LRRC73: variants seen among roughly 807,000 people sequenced by gnomAD.
LRRC73 encodes leucine-rich repeat-containing protein 73.
In LRRC73, 16 loss-of-function variants were observed where a neutral mutation model predicts 26.4. The ratio of observed to expected loss-of-function variants is 0.61; its 90% CI spans 0.41 to 0.92. LRRC73 has a LOEUF of 0.92. Ranked by LOEUF, LRRC73 falls within the 40% of genes least tolerant of loss-of-function variation. The pLI is 0.00. For synonymous variants in LRRC73, 210 were observed against 179.8 expected (o/e 1.17, Z -1.34); for missense variants, 344 against 416.3 (o/e 0.83, Z 1.51).
exon 1 of LRRC73, chr6:43,509,823 C>G: frequency 6.9e-7 from 1 of 1,454,018 alleles, no homozygotes; most frequent in Non-Finnish European, 9.0e-7. Context: ...GGGGCCGGAA[C>G]GGAGGTTGGT....
rs573749440 is a variant in LRRC73, at chr6:43,507,359, G to C, written c.881-51C>G. The C allele has an allele frequency of 5.0e-6, 8 of 1,610,188 alleles. No individual in the cohort carries two copies. The East Asian group carries it at 1.6e-4, about 31-fold the overall frequency. On this transcript the variant is annotated intron_variant, in intron 5 of 5. Transcript: ENST00000372441. ...GACCACCATTCCTTCCTCCAATGGG[G>C]ACCACAGATAGGTGAGAGCCTAGGT...
exon 1 of LRRC73, chr6:43,510,167 G>A: frequency 5.8e-6 from 1 of 172,098 alleles, no homozygotes; most frequent in Non-Finnish European, 1.2e-5. Context: ...GGCGGCGGCG[G>A]CGGCAGCGGC....
At chr6:43,509,854 G>T in exon 1 of LRRC73, 1 of 1,364,760 alleles carries the variant, frequency 7.3e-7, no homozygotes, top group Non-Finnish European at 9.4e-7. Context: ...GCGGGGCCGG[G>T]GATAGGGCCG....
At chr6:43,509,866 G>C in exon 1 of LRRC73, 1 of 1,297,468 alleles carries the variant, frequency 7.7e-7, no homozygotes, top group Non-Finnish European at 9.9e-7. Flanking sequence ...ATAGGGCCGG[G>C]GTCGGGGCCC....
At chr6:43,507,096 C>A (rs529010015) in exon 6 of LRRC73, 2 of 832,166 alleles carry the variant, frequency 2.4e-6, no homozygotes, top group South Asian at 3.3e-5. Context: ...TTCCTTCCCA[C>A]CACACTGCCA....
rs1159406923 is a variant in LRRC73, at chr6:43,507,825, C to A, written c.657+1G>T. 1.1e-5 allele frequency: 18 copies of A among 1,613,520 alleles called. No individual in the cohort carries two copies. Among genetic ancestry groups the A allele is most frequent in the Non-Finnish European group, 1.3e-5 (15 of 1,179,756 alleles). On this transcript the variant is annotated splice_donor_variant, in intron 4 of 5. Transcript: ENST00000372441. LOFTEE classifies it high-confidence loss of function. Reference sequence around the variant, plus strand: ...CGTGCCCAAACATGACGACTTCCCACCTGAGCTGACTGGTTGGTGAGCCCT... The same window carrying A: ...CGTGCCCAAACATGACGACTTCCCAACTGAGCTGACTGGTTGGTGAGCCCT...
exon 1 of LRRC73, chr6:43,509,829 TTGGTGGGGCCGC>T (rs1561850671): frequency 7.0e-7 from 1 of 1,429,450 alleles, no homozygotes; most frequent in Admixed American, 2.8e-5. Context: ...GGAACGGAGG[TTGGTGGGGCCGC>T]GGGCGGGGCC....
At chr6:43,507,332 C>G (rs745649476) in intron 5 of LRRC73, 24 bp from the exon 6 acceptor site, 74 of 1,613,508 alleles carry the variant, frequency 4.6e-5, no homozygotes, top group Non-Finnish European at 5.3e-5. Context: ...GAGAAGTGTT[C>G]AGACCACCAT....
At chr6:43,509,403 G>A in intron 1 of LRRC73, 111 bp downstream of exon 1, 5 of 1,319,232 alleles carry the variant, frequency 3.8e-6, no homozygotes, top group East Asian at 4.9e-5. Context: ...ATGTGCATAA[G>A]GCATGTGAAG....
At position 43,508,427 on chromosome 6, in the gene LRRC73, A is replaced by G. The variant is rs764432887; in HGVS notation, c.434-7T>C. 4.3e-6 allele frequency: 7 copies of G among 1,613,386 alleles called. No homozygotes were observed. The South Asian group carries it at 5.5e-5, about 13-fold the overall frequency. ...AGCGTTAGCTCCTTCAAGCCTGGGC[A>G]GCATCATAGCAAGAAACCAGAATAG... On this transcript the variant is annotated splice_region_variant and splice_polypyrimidine_tract_variant and intron_variant, in intron 2 of 5. Transcript: ENST00000372441.
At chr6:43,508,887 C>T in exon 2 of LRRC73, 1 of 1,611,152 alleles carries the variant, frequency 6.2e-7, no homozygotes, top group South Asian at 1.1e-5. Context: ...TCAGCAAGGC[C>T]AGCCCCGCAT....
intron 2 of LRRC73, 38 bp downstream of exon 2, chr6:43,508,722 G>A (rs1438280336): frequency 6.4e-7 from 1 of 1,560,634 alleles, no homozygotes; most frequent in African/African-American, 1.4e-5. Context: ...TTTCATCACT[G>A]CCACACTAGC....
At chr6:43,508,615 G>A in intron 2 of LRRC73, 145 bp downstream of exon 2, 1 of 1,385,060 alleles carries the variant, frequency 7.2e-7, no homozygotes, top group Non-Finnish European at 9.9e-7. Flanking sequence ...TCTCCATGCT[G>A]CCCCCCGTCC....
chr6:43,508,070 G>A, intron 3 of LRRC73, 144 bp from the exon 4 acceptor site: 1 of 973,878 alleles, frequency 1.0e-6, no homozygotes, highest in South Asian at 1.6e-5. Context: ...AGGGATCATT[G>A]TGATTGGTGA....
At chr6:43,508,884 G>A (rs1367265254) in exon 2 of LRRC73, 1 of 1,611,416 alleles carries the variant, frequency 6.2e-7, no homozygotes, top group Non-Finnish European at 8.5e-7. Context: ...GGTTCAGCAA[G>A]GCCAGCCCCG....
chr6:43,508,912 C>T, exon 2 of LRRC73: 1 of 1,603,762 alleles, frequency 6.2e-7, no homozygotes, highest in Non-Finnish European at 8.5e-7. Flanking sequence ...CAGGGGGCTC[C>T]CATGCAGGCT....
chr6:43,508,225 T>C lies in LRRC73; in HGVS notation c.556+73A>G. ...CTCTCCCAGTGTACGGGTTACCATG[T>C]CAACTGATGGTCCCAGGCTCTTGGA... On this transcript the variant is annotated intron_variant, in intron 3 of 5. Transcript: ENST00000372441. The C allele has an allele frequency of 2.0e-6, 3 of 1,530,292 alleles. No homozygotes were observed. In the South Asian group the frequency reaches 3.9e-5, roughly 20 times the overall value. 94.8% of individuals were successfully genotyped at this position (1,530,292 alleles called of 1,614,324 possible).
intron 3 of LRRC73, 85 bp from the exon 4 acceptor site, chr6:43,508,011 G>T (rs1438228721): frequency 1.7e-6 from 2 of 1,211,912 alleles, no homozygotes; most frequent in African/African-American, 1.5e-5. Context: ...AACAACTTTA[G>T]ATACTAATCC....
At chr6:43,508,047 G>T (rs575964758) in intron 3 of LRRC73, 121 bp from the exon 4 acceptor site, 3 of 1,037,754 alleles carry the variant, frequency 2.9e-6, no homozygotes, top group Admixed American at 4.5e-5. Context: ...TGGACAATTG[G>T]TGGTGGTCAG....
Sources: allele counts gnomAD v4.1 joint callset, GRCh38; gene constraint gnomAD v4.1.1; transcripts MANE v1.5; gene names NCBI Gene and HGNC (gene_info 2026-07-23, HGNC 2026-07-21).